CNTN5: variants seen among roughly 807,000 people sequenced by gnomAD.
The protein encoded by CNTN5 is contactin 5, also known as contactin-5.
Under a neutral mutation model 129.1 loss-of-function variants are expected in CNTN5, and 77 were observed. The ratio of observed to expected loss-of-function variants is 0.60; its 90% CI spans 0.50 to 0.72. The LOEUF (loss-of-function observed/expected upper bound fraction) is 0.72. Among genes scored for constraint, CNTN5 ranks in the 30% least tolerant of loss-of-function variants. The pLI is 0.00. For missense variants in CNTN5, 1,478 were observed against 1,328.8 expected, an observed-to-expected ratio of 1.11 and a Z score of -1.75; for synonymous variants, 509 against 465.6, an observed-to-expected ratio of 1.09 and a Z score of -1.20.
At chr11:99,324,815 G>T (rs1865712387) in intron 1 of CNTN5, among the ~76,000 whole-genome samples, 1 of 152,026 alleles carries the variant, frequency 6.6e-6, no homozygotes, top group African/African-American at 2.4e-5. Context: ...CTACTTTTTT[G>T]TATTTTTAGT....
intron 20 of CNTN5, among the ~76,000 whole-genome samples, chr11:100,306,403 T>A (rs1027743999): frequency 6.6e-6 from 1 of 151,710 alleles, no homozygotes; most frequent in Non-Finnish European, 1.5e-5. Context: ...CACCACATGT[T>A]TTGTGCTTCT....
At chr11:99,341,543 C>T (rs1224956801) in intron 2 of CNTN5, among the ~76,000 whole-genome samples, 1 of 152,082 alleles carries the variant, frequency 6.6e-6, no homozygotes, top group Non-Finnish European at 1.5e-5. Flanking sequence ...TTCTCAGGTT[C>T]TTCACCTGTA....
At chr11:99,451,205 G>A (rs1316324150) in intron 2 of CNTN5, among the ~76,000 whole-genome samples, 1 of 152,064 alleles carries the variant, frequency 6.6e-6, no homozygotes, top group Admixed American at 6.6e-5. Context: ...CTATCTAATA[G>A]CAATAACCTG....
At chr11:99,423,047 G>A (rs1278185075) in intron 2 of CNTN5, among the ~76,000 whole-genome samples, 1 of 152,164 alleles carries the variant, frequency 6.6e-6, no homozygotes, top group Non-Finnish European at 1.5e-5. Flanking sequence ...CTAAGAGACT[G>A]CAGGTACAGC....
chr11:99,971,949 A>G (rs1275529989), intron 8 of CNTN5, among the ~76,000 whole-genome samples: 1 of 147,468 alleles, frequency 6.8e-6, no homozygotes, highest in Non-Finnish European at 1.5e-5. Flanking sequence ...AATGCTTAAG[A>G]AAAAAAAACA....
intron 7 of CNTN5, among the ~76,000 whole-genome samples, chr11:99,956,178 T>C (rs1364087337): frequency 6.6e-6 from 1 of 152,122 alleles, no homozygotes; most frequent in African/African-American, 2.4e-5. Flanking sequence ...GTACGTAATA[T>C]TCTAATTATA....
At chr11:99,816,249 G>T (rs1022363478) in intron 3 of CNTN5, among the ~76,000 whole-genome samples, 1 of 151,916 alleles carries the variant, frequency 6.6e-6, no homozygotes, top group Non-Finnish European at 1.5e-5. Context: ...TGCTAATGTT[G>T]GTCAAAATTC....
chr11:100,160,902 A>C (rs1947425035), intron 13 of CNTN5, among the ~76,000 whole-genome samples: 1 of 151,894 alleles, frequency 6.6e-6, no homozygotes, highest in African/African-American at 2.4e-5. Flanking sequence ...TAAGAGACTT[A>C]AGTTGTATAA....
chr11:99,623,833 G>A (rs903804310), intron 3 of CNTN5, among the ~76,000 whole-genome samples: 2 of 151,640 alleles, frequency 1.3e-5, no homozygotes, highest in African/African-American at 4.8e-5. Context: ...AATTGATATT[G>A]GGGTGCGTAG....
chr11:99,333,477 T>C (rs1866087178), intron 2 of CNTN5, among the ~76,000 whole-genome samples: 1 of 152,022 alleles, frequency 6.6e-6, no homozygotes, highest in South Asian at 2.1e-4. Flanking sequence ...ACAATATCCA[T>C]ATTTTATTGA....
chr11:99,596,424 G>C (rs1214663507), intron 3 of CNTN5, among the ~76,000 whole-genome samples: 1 of 151,890 alleles, frequency 6.6e-6, no homozygotes, highest in Non-Finnish European at 1.5e-5. Flanking sequence ...AACTACCAAG[G>C]GCTACTATCT....
chr11:100,139,275 A>G (rs943363591), intron 13 of CNTN5, among the ~76,000 whole-genome samples: 4 of 152,162 alleles, frequency 2.6e-5, no homozygotes, highest in Non-Finnish European at 2.9e-5. Flanking sequence ...TAGTGAAAGA[A>G]ATTGTAGAAG....
chr11:99,830,968 T>G (rs1274912019), intron 4 of CNTN5, among the ~76,000 whole-genome samples: 1 of 152,130 alleles, frequency 6.6e-6, no homozygotes, highest in Non-Finnish European at 1.5e-5. Flanking sequence ...TATACCATGA[T>G]AGTATATTTA....
rs998799579 is a variant in CNTN5 at position 100,034,042 on chromosome 11, G to A, written c.981-27170G>A. Among the ~76,000 whole-genome samples the A allele has an allele frequency of 2.6e-5, 4 of 151,998 alleles. 1 individual carries two copies. Among genetic ancestry groups the A allele is most frequent in the Admixed American group, 2.6e-4 (4 of 15,260 alleles). On this transcript the variant is annotated intron_variant, in intron 9 of 24. Coordinates refer to ENST00000524871, the MANE Select transcript of CNTN5 (RefSeq NM_014361.4). ...TCTTACTTCCTGCTTTTTAGAGACT[G>A]TACTCTCTTACTGTTAACCATTCAA... is the stretch of plus-strand genomic sequence containing the variant.
chr11:100,209,846 C>T (rs1948990439), intron 15 of CNTN5, among the ~76,000 whole-genome samples: 1 of 152,112 alleles, frequency 6.6e-6, no homozygotes, highest in African/African-American at 2.4e-5. Flanking sequence ...CTCTTTTAAA[C>T]CAGCATGTTC....
intron 13 of CNTN5, among the ~76,000 whole-genome samples, chr11:100,098,600 C>T (rs1945100497): frequency 6.6e-6 from 1 of 152,058 alleles, no homozygotes; most frequent in African/African-American, 2.4e-5. Context: ...ACCCCCTTTA[C>T]CTTGAATGTA....
In CNTN5 at chr11:99,517,067, T is replaced by G. The variant is rs529968428; in HGVS notation, c.-70-39078T>G. ...TCCTGCTATATGTTACACACACAGT[T>G]GAATTCTCCACAAATGATCTAAGTT... is the stretch of plus-strand genomic sequence containing the variant. On this transcript the variant is annotated intron_variant, in intron 2 of 24. Coordinates refer to ENST00000524871, the MANE Select transcript of CNTN5 (RefSeq NM_014361.4). Among the ~76,000 whole-genome samples the G allele has an allele frequency of 1.6e-4, 24 of 152,242 alleles. No individual in the cohort carries two copies. The Middle Eastern group carries it at 0.014, about 86-fold the overall frequency.
At chr11:99,898,741 C>G (rs1949274713) in intron 6 of CNTN5, among the ~76,000 whole-genome samples, 1 of 151,612 alleles carries the variant, frequency 6.6e-6, no homozygotes, top group African/African-American at 2.4e-5. Flanking sequence ...TTTATGAAAT[C>G]TTACTACTTT....
At chr11:100,104,370 C>T (rs1023707261) in intron 13 of CNTN5, among the ~76,000 whole-genome samples, 4 of 151,996 alleles carry the variant, frequency 2.6e-5, no homozygotes, top group African/African-American at 9.7e-5. Context: ...TGTGAGCCAC[C>T]ACACTTGGCT....
Sources: gnomAD v4.1 joint callset for allele counts (sites outside exome capture counted in the v4.1 genomes callset) on GRCh38, gnomAD v4.1.1 for gene constraint, MANE v1.5 for transcripts, NCBI Gene and HGNC (gene_info 2026-07-23, HGNC 2026-07-21) for gene names.